Variants in IFT80 observed in about 807,000 individuals in gnomAD.
IFT80 encodes intraflagellar transport 80.
Under a neutral mutation model 107.9 loss-of-function variants are expected in IFT80, and 79 were observed. That is an observed-to-expected ratio of 0.73 (90% CI 0.61 to 0.88). The LOEUF is 0.88. IFT80 is among the 40% of genes least tolerant of loss of function. The probability of loss-of-function intolerance (pLI) is 0.00; values close to 1 mark genes in which losing one functional copy is unlikely to be tolerated. For synonymous variants in IFT80, 299 were observed against 300.9 expected (o/e 0.99, Z 0.07); for missense variants, 797 against 914.2 (o/e 0.87, Z 1.65).
rs143191684 is a variant in IFT80, at chr3:160,373,629, A to C, written c.439+2183T>G. On this transcript the variant is annotated intron_variant, in intron 5 of 19. Coordinates refer to ENST00000326448, the MANE Select transcript of IFT80 (RefSeq NM_020800.3). ...ATACAACTCACCATAACATAGAATC[A>C]GTGGGAGCCCTGAACTTGTTTTCCT... 1.4e-3 allele frequency: 240 copies of C among 168,792 alleles called. 3 individuals carry two copies. The highest frequency in any genetic ancestry group is 5.4e-3 in the African/African-American group (228 of 41,916). 10.5% of individuals were successfully genotyped at this position (168,792 alleles called of 1,614,324 possible). A position where few individuals can be genotyped will look rare whatever the true frequency, so the allele number is the denominator to read the frequency against.
intron 8 of IFT80, among the ~76,000 whole-genome samples, chr3:160,331,306 G>A (rs150724791): frequency 6.6e-6 from 1 of 152,312 alleles, no homozygotes; most frequent in East Asian, 1.9e-4. Flanking sequence ...GATGATTCAT[G>A]TCCTGGGAAA....
chr3:160,319,543 A>C (rs1213532305), intron 9 of IFT80, among the ~76,000 whole-genome samples: 6 of 151,994 alleles, frequency 3.9e-5, no homozygotes, highest in Non-Finnish European at 7.4e-5. Context: ...TATTTGTCCT[A>C]AATGCATAAC....
chr3:160,377,104 A>ATT (rs1322778661), intron 4 of IFT80, among the ~76,000 whole-genome samples: 1 of 152,208 alleles, frequency 6.6e-6, no homozygotes, highest in Non-Finnish European at 1.5e-5. Context: ...AGGGCAGGGG[A>ATT]TTGGAAACAG....
intron 12 of IFT80, among the ~76,000 whole-genome samples, chr3:160,294,879 C>A (rs889887516): frequency 2.0e-5 from 3 of 152,106 alleles, no homozygotes; most frequent in African/African-American, 7.2e-5. Flanking sequence ...GGCATACACG[C>A]AAATAAGGTG....
chr3:160,312,048 T>C (rs1490877521), intron 9 of IFT80, among the ~76,000 whole-genome samples: 2 of 152,222 alleles, frequency 1.3e-5, no homozygotes, highest in African/African-American at 4.8e-5. Context: ...CCCAAAGTGC[T>C]GGGATTACAG....
chr3:160,390,951 G>A (rs1713336994), intron 1 of IFT80, among the ~76,000 whole-genome samples: 1 of 152,192 alleles, frequency 6.6e-6, no homozygotes, highest in South Asian at 2.1e-4. Flanking sequence ...ATGCCTATCA[G>A]TATGCCATAT....
chr3:160,348,087 A>G (rs1282839743), intron 8 of IFT80, among the ~76,000 whole-genome samples: 1 of 152,108 alleles, frequency 6.6e-6, no homozygotes, highest in Admixed American at 6.6e-5. Context: ...AATCTTTTCA[A>G]CTTATTGGGT....
At chr3:160,375,220 G>A (rs930862888) in intron 5 of IFT80, among the ~76,000 whole-genome samples, 1 of 152,022 alleles carries the variant, frequency 6.6e-6, no homozygotes, top group African/African-American at 2.4e-5. Flanking sequence ...CTGTTACACA[G>A]AAAAAATCAT....
chr3:160,329,994 A>G (rs1718974866), intron 8 of IFT80, among the ~76,000 whole-genome samples: 1 of 152,186 alleles, frequency 6.6e-6, no homozygotes. Context: ...AGCCAGCAGC[A>G]TCAACATCAT....
intron 12 of IFT80, chr3:160,299,382 G>A (rs2108265002): frequency 3.7e-6 from 1 of 271,276 alleles, no homozygotes; most frequent in Non-Finnish European, 6.0e-6. Context: ...ACAGTTTCTA[G>A]TTCATGAATT....
chr3:160,312,334 G>A (rs1717335738), intron 9 of IFT80, among the ~76,000 whole-genome samples: 1 of 151,412 alleles, frequency 6.6e-6, no homozygotes, highest in Non-Finnish European at 1.5e-5. Flanking sequence ...AGGATGGAGA[G>A]AAAGGAGCTA....
At chr3:160,274,532 T>G (rs1228634928) in intron 18 of IFT80, 1 of 152,214 alleles carries the variant, frequency 6.6e-6, no homozygotes, top group Non-Finnish European at 1.5e-5. Flanking sequence ...CTACCTACTA[T>G]GTATAGATAA....
intron 18 of IFT80, among the ~76,000 whole-genome samples, chr3:160,271,145 C>A (rs936427132): frequency 6.6e-6 from 1 of 152,050 alleles, no homozygotes; most frequent in Non-Finnish European, 1.5e-5. Context: ...ATGATATGTG[C>A]TATTTTAAAT....
Position 160,258,303 on chromosome 3 carries a change from A to G in IFT80, c.*222T>C, listed in dbSNP as rs111512269. On this transcript the variant is annotated 3_prime_UTR_variant, in exon 20 of 20. Coordinates refer to ENST00000326448, the MANE Select transcript of IFT80 (RefSeq NM_020800.3). ...CTACACAGGTATCTCTTAAGTACAT[A>G]GTAATATTTTGCTAATTATTGGACT... is the stretch of plus-strand genomic sequence containing the variant. The G allele has an allele frequency of 1.7e-4, 103 of 607,708 alleles. 4 individuals carry two copies. The highest frequency in any genetic ancestry group is 1.4e-3 in the African/African-American group (74 of 54,034). The allele number at this position is 607,708 out of a possible 1,614,324, so 37.6% of individuals were successfully genotyped here. A position where few individuals can be genotyped will look rare whatever the true frequency, so the allele number is the denominator to read the frequency against.
intron 8 of IFT80, among the ~76,000 whole-genome samples, chr3:160,346,479 C>T (rs894890436): frequency 6.6e-6 from 1 of 152,114 alleles, no homozygotes; most frequent in Non-Finnish European, 1.5e-5. Context: ...TAATTTCTTT[C>T]CCTGTGAATG....
At chr3:160,397,946 C>G (rs1341564134) in intron 1 of IFT80, among the ~76,000 whole-genome samples, 1 of 151,968 alleles carries the variant, frequency 6.6e-6, no homozygotes, top group Non-Finnish European at 1.5e-5. Flanking sequence ...GTCTCGAACT[C>G]CCAACCTCAG....
In IFT80 at chr3:160,274,071, G is replaced by A. The variant is rs572286135; in HGVS notation, c.2099+3235C>T. ...AACTGGAAGGTGAAGGGGGGCATGCGGGGAACAGGATATAAGGATAGCAGG... is the reference window on the plus strand; with the variant it reads ...AACTGGAAGGTGAAGGGGGGCATGCAGGGAACAGGATATAAGGATAGCAGG... On this transcript the variant is annotated intron_variant, in intron 18 of 19. Transcript: ENST00000326448. Among the ~76,000 whole-genome samples the A allele has an allele frequency of 5.3e-5, 8 of 152,214 alleles. No individual in the cohort carries two copies. In the South Asian group the frequency reaches 1.2e-3, roughly 24 times the overall value.
intron 12 of IFT80, among the ~76,000 whole-genome samples, chr3:160,294,769 C>G (rs867438202): frequency 4.6e-5 from 7 of 152,250 alleles, no homozygotes; most frequent in African/African-American, 1.7e-4. Flanking sequence ...AGCTAAGCTC[C>G]CAGTCTGAGA....
intron 1 of IFT80, among the ~76,000 whole-genome samples, chr3:160,398,794 C>T (rs1167038900): frequency 6.6e-6 from 1 of 152,168 alleles, no homozygotes; most frequent in African/African-American, 2.4e-5. Flanking sequence ...ATAAAAATAA[C>T]CATAACACTG....
Sources: gnomAD v4.1 joint callset for allele counts (sites outside exome capture counted in the v4.1 genomes callset) on GRCh38, gnomAD v4.1.1 for gene constraint, MANE v1.5 for transcripts, NCBI Gene and HGNC (gene_info 2026-07-23, HGNC 2026-07-21) for gene names.